The following KTN1 variants were observed in gnomAD, a reference collection of about 807,000 sequenced individuals.
KTN1 encodes kinectin 1.
A neutral mutation model predicts 222.5 loss-of-function variants in KTN1; 130 were observed. The observed-to-expected ratio is 0.58, with a 90% confidence interval of 0.51 to 0.68. The LOEUF is 0.68. Ranked by LOEUF, KTN1 falls within the 30% of genes least tolerant of loss-of-function variation. The probability of loss-of-function intolerance (pLI) is 0.00; values close to 1 mark genes in which losing one functional copy is unlikely to be tolerated. For synonymous variants in KTN1, 512 were observed against 496.3 expected, an observed-to-expected ratio of 1.03 and a Z score of -0.42; for missense variants, 1,508 against 1,500.4, an observed-to-expected ratio of 1.01 and a Z score of -0.08.
In KTN1 at chr14:55,627,895, T is replaced by C. The variant is rs1659221068; in HGVS notation, c.964-17T>C. 1 of 1,431,444 alleles carries C rather than the reference T, an allele frequency of 7.0e-7. No homozygotes were observed. Among genetic ancestry groups the C allele is most frequent in the Admixed American group, 1.7e-5 (1 of 59,054 alleles). The allele number at this position is 1,431,444 out of a possible 1,614,324, so 88.7% of individuals were successfully genotyped here. On this transcript the variant is annotated splice_polypyrimidine_tract_variant and intron_variant, in intron 5 of 43. Coordinates refer to ENST00000395314, the MANE Select transcript of KTN1 (RefSeq NM_001079521.2). ...ATGGTAACTATTACTAATTCTGCAT[T>C]GCTTTCTCAATTGCAGTCAAGTAAG...
chr14:55,675,525 A>G (rs928241588), intron 40 of KTN1: 1 of 209,228 alleles, frequency 4.8e-6, no homozygotes, highest in African/African-American at 2.3e-5. Flanking sequence ...TTAATTTGAA[A>G]TAATTTCAGT....
intron 1 of KTN1, among the ~76,000 whole-genome samples, chr14:55,583,846 T>C (rs907553456): frequency 2.6e-5 from 4 of 152,194 alleles, no homozygotes; most frequent in Admixed American, 6.5e-5. Context: ...ATGTTTGATG[T>C]TTCCATCAAA....
At position 55,684,157 on chromosome 14, in the gene KTN1, G is replaced by T; in HGVS notation, c.*54G>T. On this transcript the variant is annotated 3_prime_UTR_variant, in exon 44 of 44. Transcript: ENST00000395314. ...TAAAAAAGGCATTGTATTATATTTT[G>T]CCAAATTAAAGCCTTATTTATGTTT... 2 of 1,466,744 alleles carry T rather than the reference G, an allele frequency of 1.4e-6. No individual in the cohort carries two copies. The highest frequency in any genetic ancestry group is 1.9e-5 in the Admixed American group (1 of 53,882). 90.9% of individuals were successfully genotyped at this position (1,466,744 alleles called of 1,614,324 possible). A position where few individuals can be genotyped will look rare whatever the true frequency, so the allele number is the denominator to read the frequency against.
At chr14:55,637,144 A>T in intron 10 of KTN1, 54 bp from the exon 11 acceptor site, 1 of 1,335,032 alleles carries the variant, frequency 7.5e-7, no homozygotes, top group Non-Finnish European at 1.0e-6. Flanking sequence ...AAAGATGAGT[A>T]TGAGTAACTA....
chr14:55,611,142 C>G (rs2037496290), intron 1 of KTN1, among the ~76,000 whole-genome samples: 1 of 152,046 alleles, frequency 6.6e-6, no homozygotes, highest in African/African-American at 2.4e-5. Flanking sequence ...GCTTGGAGTG[C>G]AGTGGCAGAG....
intron 43 of KTN1, chr14:55,680,799 T>C: frequency 2.3e-6 from 2 of 887,570 alleles, no homozygotes; most frequent in Non-Finnish European, 3.4e-6. Context: ...CTTCAACATA[T>C]CAACAAAAGT....
chr14:55,677,184 A>G (rs1294320076), intron 41 of KTN1, among the ~76,000 whole-genome samples: 1 of 152,184 alleles, frequency 6.6e-6, no homozygotes, highest in Non-Finnish European at 1.5e-5. Flanking sequence ...GACTAAAAAA[A>G]GTTTATAACG....
rs115880617 is a variant in KTN1 at position 55,623,149 on chromosome 14, C to T, written c.963+3837C>T. The stretch of plus-strand genomic sequence containing the variant: ...TTGCCCTGCTATTCTTTCTTACAAC[C>T]GTCTGGATGTTTTTGCCACAGCATT... On this transcript the variant is annotated intron_variant, in intron 5 of 43. Transcript: ENST00000395314. 2.5e-3 allele frequency among the ~76,000 whole-genome samples: 377 copies of T among 152,340 alleles called. 3 individuals carry two copies. Among genetic ancestry groups the T allele is most frequent in the African/African-American group, 8.8e-3 (364 of 41,568 alleles).
In KTN1 at chr14:55,616,658, A is replaced by G; in HGVS notation, c.661+4A>G. ...AAGAAACAAAAGACAGAAAATGGTGAGATGTTTAGATATGTATTTTTATAA... is the reference window on the plus strand; with the variant it reads ...AAGAAACAAAAGACAGAAAATGGTGGGATGTTTAGATATGTATTTTTATAA... On this transcript the variant is annotated splice_donor_region_variant and intron_variant, in intron 3 of 43. Coordinates refer to ENST00000395314, the MANE Select transcript of KTN1 (RefSeq NM_001079521.2). The G allele has an allele frequency of 6.3e-7, 1 of 1,586,012 alleles. No individual in the cohort carries two copies. The highest frequency in any genetic ancestry group is 8.5e-7 in the Non-Finnish European group (1 of 1,171,366).
intron 41 of KTN1, among the ~76,000 whole-genome samples, chr14:55,676,202 C>G (rs991909230): frequency 6.6e-6 from 1 of 152,024 alleles, no homozygotes; most frequent in African/African-American, 2.4e-5. Flanking sequence ...TTGGCTGCAT[C>G]CATATATTTT....
chr14:55,654,829 C>T lies in KTN1; in HGVS notation c.2802-1213C>T, dbSNP rs1397769005. ...AACAGTTTTACTGCCTTAAAAATCT[C>T]CTGTGTTCTACCTGTGTATCCCTCC... On this transcript the variant is annotated intron_variant, in intron 28 of 43. Coordinates refer to ENST00000395314, the MANE Select transcript of KTN1 (RefSeq NM_001079521.2). 5.3e-5 allele frequency among the ~76,000 whole-genome samples: 8 copies of T among 152,220 alleles called. 1 individual carries two copies. The East Asian group carries it at 1.5e-3, about 29-fold the overall frequency.
chr14:55,590,522 C>T (rs561421147), intron 1 of KTN1, among the ~76,000 whole-genome samples: 1 of 152,126 alleles, frequency 6.6e-6, no homozygotes, highest in Non-Finnish European at 1.5e-5. Flanking sequence ...CACACTCTAA[C>T]CACTACCTTT....
At chr14:55,652,355 A>G (rs1208828591) in intron 25 of KTN1, among the ~76,000 whole-genome samples, 1 of 142,264 alleles carries the variant, frequency 7.0e-6, no homozygotes, top group African/African-American at 2.6e-5. Flanking sequence ...TAATCATCCT[A>G]TGCTTCCTGA....
intron 1 of KTN1, among the ~76,000 whole-genome samples, chr14:55,580,575 G>A (rs1180888443): frequency 6.6e-6 from 1 of 151,504 alleles, no homozygotes; most frequent in African/African-American, 2.4e-5. Flanking sequence ...GGCTCGGAGG[G>A]ACCTCCTCGG....
intron 1 of KTN1, among the ~76,000 whole-genome samples, chr14:55,589,224 C>G (rs1030456383): frequency 6.6e-6 from 1 of 152,176 alleles, no homozygotes; most frequent in Non-Finnish European, 1.5e-5. Context: ...TATTTCATAT[C>G]CTTTCAGTGT....
intron 41 of KTN1, among the ~76,000 whole-genome samples, chr14:55,677,096 T>C (rs1219266482): frequency 1.1e-4 from 17 of 152,188 alleles, no homozygotes; most frequent in Admixed American, 1.1e-3. Flanking sequence ...ATGGCAATGA[T>C]AGGTGACAGT....
intron 1 of KTN1, among the ~76,000 whole-genome samples, chr14:55,585,409 G>A (rs1276923207): frequency 6.6e-6 from 1 of 151,922 alleles, no homozygotes; most frequent in Non-Finnish European, 1.5e-5. Context: ...CACCTTAAAT[G>A]TTTTCACTTA....
At chr14:55,669,498 TTAAGA>T (rs1182102468) in intron 34 of KTN1, among the ~76,000 whole-genome samples, 13 of 152,068 alleles carry the variant, frequency 8.5e-5, no homozygotes, top group East Asian at 1.9e-4. Flanking sequence ...TTCATTAATA[TTAAGA>T]TAAGTCAAGA....
intron 43 of KTN1, 33 bp downstream of exon 43, chr14:55,679,718 TA>T: frequency 6.3e-7 from 1 of 1,598,448 alleles, no homozygotes; most frequent in Non-Finnish European, 8.6e-7. Flanking sequence ...TGTCTATGGG[TA>T]ATTGATGTTA....
Sources: gnomAD v4.1 joint callset for allele counts (sites outside exome capture counted in the v4.1 genomes callset) on GRCh38, gnomAD v4.1.1 for gene constraint, MANE v1.5 for transcripts, NCBI Gene and HGNC (gene_info 2026-07-23, HGNC 2026-07-21) for gene names.